The following EPHA6 variants were observed in gnomAD, a reference collection of about 807,000 sequenced individuals.
EPHA6 encodes the protein ephrin type-A receptor 6.
Under a neutral mutation model 112.0 loss-of-function variants are expected in EPHA6, and 50 were observed. That is an observed-to-expected ratio of 0.45 (90% confidence interval 0.36 to 0.56). The LOEUF (loss-of-function observed/expected upper bound fraction) is 0.56. Ranked by LOEUF, EPHA6 falls within the 20% of genes least tolerant of loss-of-function variation. The probability of loss-of-function intolerance (pLI) is 0.00; values close to 1 mark genes in which losing one functional copy is unlikely to be tolerated. For synonymous variants in EPHA6, 529 were observed against 490.7 expected (o/e 1.08, Z -1.03); for missense variants, 1,280 against 1,417.4 (o/e 0.90, Z 1.56).
chr3:96,939,984 G>C (rs1011646723), intron 2 of EPHA6, among the ~76,000 whole-genome samples: 103 of 151,894 alleles, frequency 6.8e-4, no homozygotes, highest in Non-Finnish European at 1.2e-3. Flanking sequence ...GTTATAATTT[G>C]TGTTGTTTTA....
chr3:96,965,378 G>A (rs962826834), intron 2 of EPHA6, among the ~76,000 whole-genome samples: 5 of 151,876 alleles, frequency 3.3e-5, no homozygotes, highest in Non-Finnish European at 7.4e-5. Context: ...CCTATCTAAT[G>A]GGCCTAAAAT....
At chr3:97,044,385 T>C (rs542203370) in intron 3 of EPHA6, among the ~76,000 whole-genome samples, 51 of 152,300 alleles carry the variant, frequency 3.3e-4, no homozygotes, top group Non-Finnish European at 5.9e-4. Flanking sequence ...ACAGACATGA[T>C]TGCCTTTAAC....
intron 1 of EPHA6, among the ~76,000 whole-genome samples, chr3:96,838,464 G>A (rs2034549347): frequency 6.6e-6 from 1 of 151,984 alleles, no homozygotes; most frequent in Admixed American, 6.6e-5. Flanking sequence ...AGGTGTTTGA[G>A]GAATCACCAC....
chr3:97,090,156 T>C (rs760197467), intron 3 of EPHA6, among the ~76,000 whole-genome samples: 3 of 152,092 alleles, frequency 2.0e-5, no homozygotes, highest in Non-Finnish European at 4.4e-5. Context: ...ATAGAAAATT[T>C]ACCTTAATTT....
At chr3:97,110,971 A>G (rs2047706620) in intron 3 of EPHA6, among the ~76,000 whole-genome samples, 1 of 152,190 alleles carries the variant, frequency 6.6e-6, no homozygotes. Context: ...TAATATTTAA[A>G]TAGTTTATAT....
At chr3:97,299,727 A>C (rs2081018549) in intron 5 of EPHA6, among the ~76,000 whole-genome samples, 1 of 152,200 alleles carries the variant, frequency 6.6e-6, no homozygotes, top group African/African-American at 2.4e-5. Context: ...TTAAAAAGGA[A>C]GTGTATTTCA....
At chr3:97,342,372 T>C (rs1221686106) in intron 5 of EPHA6, among the ~76,000 whole-genome samples, 1 of 152,214 alleles carries the variant, frequency 6.6e-6, no homozygotes, top group Non-Finnish European at 1.5e-5. Flanking sequence ...CTGTCATCAA[T>C]TCAAACAAGT....
Position 97,246,826 on chromosome 3 carries a change from A to G in EPHA6, c.1606+2539A>G, listed in dbSNP as rs373574557. On this transcript the variant is annotated intron_variant, in intron 5 of 17. Coordinates refer to ENST00000389672, the MANE Select transcript of EPHA6 (RefSeq NM_001080448.3). ...CCCCTCTTCTTGTGCTTGAAATTCT[A>G]AAGTTAGAGAATCACACCTGTGAAA... Among the ~76,000 whole-genome samples the G allele has an allele frequency of 1.9e-4, 29 of 151,962 alleles. 1 individual carries two copies. In the South Asian group the frequency reaches 2.7e-3, roughly 14 times the overall value.
In EPHA6 at chr3:97,137,902, G is replaced by A. The variant is rs1270036510; in HGVS notation, c.1115-88362G>A. ...AATGTAGAAAAAAATGTGAGAGAAG[G>A]GGTTCAAGATGACTGACTAGATGCA... On this transcript the variant is annotated intron_variant, in intron 3 of 17. Coordinates refer to ENST00000389672, the MANE Select transcript of EPHA6 (RefSeq NM_001080448.3). Among the ~76,000 whole-genome samples, 5 of 151,926 alleles carry A rather than the reference G, an allele frequency of 3.3e-5. No homozygotes were observed. The South Asian group carries it at 8.3e-4, about 25-fold the overall frequency.
chr3:97,396,315 T>G (rs2086691565), intron 5 of EPHA6, among the ~76,000 whole-genome samples: 1 of 148,456 alleles, frequency 6.7e-6, no homozygotes, highest in South Asian at 2.2e-4. Context: ...AGGTAAACCT[T>G]AATATATCTA....
intron 11 of EPHA6, among the ~76,000 whole-genome samples, chr3:97,592,107 A>G (rs920544930): frequency 6.6e-6 from 1 of 152,172 alleles, no homozygotes; most frequent in Admixed American, 6.5e-5. Flanking sequence ...GTGTACATCA[A>G]TTTTCTTGTC....
At chr3:97,736,169 T>G in intron 16 of EPHA6, 51 bp downstream of exon 16, 1 of 1,495,564 alleles carries the variant, frequency 6.7e-7, no homozygotes, top group African/African-American at 1.4e-5. Context: ...ATGGTTTCTT[T>G]CAGGCTATAG....
chr3:97,349,527 A>G (rs951739977), intron 5 of EPHA6, among the ~76,000 whole-genome samples: 7 of 152,132 alleles, frequency 4.6e-5, no homozygotes, highest in Non-Finnish European at 1.0e-4. Context: ...TCCACAAGGT[A>G]TTTAGAAATT....
intron 13 of EPHA6, among the ~76,000 whole-genome samples, chr3:97,611,836 C>T (rs1220938851): frequency 2.0e-5 from 3 of 151,672 alleles, no homozygotes. Context: ...TGAATAAGTT[C>T]TGTTTGCATC....
intron 5 of EPHA6, among the ~76,000 whole-genome samples, chr3:97,304,919 C>T (rs1453153048): frequency 6.6e-6 from 1 of 151,916 alleles, no homozygotes; most frequent in Non-Finnish European, 1.5e-5. Flanking sequence ...AGCTTCTGCA[C>T]AGAAAAAGAA....
chr3:97,153,901 C>T (rs55890137), intron 3 of EPHA6, among the ~76,000 whole-genome samples: 2,713 of 152,140 alleles, frequency 0.018, 86 homozygotes, highest in African/African-American at 0.056. Flanking sequence ...TGCAGTGGGT[C>T]GCTCCTATAA....
intron 2 of EPHA6, among the ~76,000 whole-genome samples, chr3:96,977,102 GCTGC>G (rs1263427494): frequency 6.6e-6 from 1 of 152,180 alleles, no homozygotes; most frequent in African/African-American, 2.4e-5. Context: ...GCCACTACAT[GCTGC>G]CTAGGGTCTT....
intron 6 of EPHA6, among the ~76,000 whole-genome samples, chr3:97,427,731 A>T (rs1396488374): frequency 6.6e-6 from 1 of 152,184 alleles, no homozygotes; most frequent in Non-Finnish European, 1.5e-5. Context: ...AATATGATGC[A>T]GCCATTAAAA....
intron 3 of EPHA6, among the ~76,000 whole-genome samples, chr3:97,196,628 C>G (rs1023039074): frequency 2.0e-5 from 3 of 152,062 alleles, no homozygotes; most frequent in Admixed American, 1.3e-4. Flanking sequence ...TGAAGGCTAT[C>G]TAAGTATTCA....
Sources: gnomAD v4.1 joint callset for allele counts (sites outside exome capture counted in the v4.1 genomes callset) on GRCh38, gnomAD v4.1.1 for gene constraint, MANE v1.5 for transcripts, NCBI Gene and HGNC (gene_info 2026-07-23, HGNC 2026-07-21) for gene names.